TRIM67: variants seen among roughly 807,000 people sequenced by gnomAD.
TRIM67 encodes the protein tripartite motif-containing protein 67.
TRIM67 carries 39 observed loss-of-function variants against 71.0 expected under a neutral mutation model. The ratio of observed to expected loss-of-function variants is 0.55; its 90% CI spans 0.43 to 0.72. TRIM67 has a LOEUF of 0.72. Ranked by LOEUF, TRIM67 falls within the 30% of genes least tolerant of loss-of-function variation. The pLI is 0.00. For missense variants in TRIM67, 973 were observed against 1,079.2 expected, an observed-to-expected ratio of 0.90 and a Z score of 1.38; for synonymous variants, 481 against 473.9, an observed-to-expected ratio of 1.01 and a Z score of -0.19.
chr1:231,177,975 G>C (rs1205515206), intron 1 of TRIM67, among the ~76,000 whole-genome samples: 1 of 152,128 alleles, frequency 6.6e-6, no homozygotes, highest in Non-Finnish European at 1.5e-5. Context: ...TGAACTATTT[G>C]TTGAATCATA....
intron 1 of TRIM67, among the ~76,000 whole-genome samples, chr1:231,191,682 G>A (rs559389268): frequency 2.0e-5 from 3 of 152,276 alleles, no homozygotes; most frequent in South Asian, 2.1e-4. Flanking sequence ...CATAAAAAGC[G>A]GGTCAGTCCT....
At chr1:231,197,133 T>C (rs982609348) in intron 1 of TRIM67, among the ~76,000 whole-genome samples, 3 of 152,212 alleles carry the variant, frequency 2.0e-5, no homozygotes, top group African/African-American at 7.2e-5. Context: ...GAGTGCTCCT[T>C]ACCTCTATCC....
At chr1:231,166,243 C>T (rs998532456) in intron 1 of TRIM67, among the ~76,000 whole-genome samples, 11 of 152,176 alleles carry the variant, frequency 7.2e-5, no homozygotes, top group South Asian at 2.1e-4. Context: ...CTTTTGTGAA[C>T]GCCTGTTTTC....
chr1:231,206,348 G>A (rs964952384), intron 6 of TRIM67, among the ~76,000 whole-genome samples: 2 of 151,988 alleles, frequency 1.3e-5, no homozygotes, highest in African/African-American at 4.8e-5. Flanking sequence ...GGCTGACGCA[G>A]GAGAATCACT....
rs533982063 is a variant in TRIM67 at position 231,208,175 on chromosome 1, ATT to A, written c.1820-757_1820-756del. Reference sequence around the variant, plus strand: ...AGGCGCCCACCACCATGTCCAGCGAATTTTTTTTTTTTTTTTGAGACAGAGTC... The same window carrying A: ...AGGCGCCCACCACCATGTCCAGCGAATTTTTTTTTTTTTTGAGACAGAGTC... On this transcript the variant is annotated intron_variant, in intron 7 of 9. Coordinates refer to ENST00000366653, the MANE Select transcript of TRIM67 (RefSeq NM_001004342.5). Among the ~76,000 whole-genome samples, 60 of 138,326 alleles carry A rather than the reference ATT, an allele frequency of 4.3e-4. 1 individual carries two copies. The highest frequency in any genetic ancestry group is 1.1e-3 in the African/African-American group (42 of 37,654). 90.7% of individuals were successfully genotyped at this position (138,326 alleles called of 152,430 possible).
rs1199480680 is a variant in TRIM67, at chr1:231,218,168, GC to G, written c.*2730del. ...AGAAGGAACTTATCAATTCCTCATGGCCAGGAAGGTCCCGGGTTTCAGAGTA... is the reference window on the plus strand; with the variant it reads ...AGAAGGAACTTATCAATTCCTCATGGCAGGAAGGTCCCGGGTTTCAGAGTA... On this transcript the variant is annotated 3_prime_UTR_variant, in exon 10 of 10. Transcript: ENST00000366653. 2 of 1,029,132 alleles carry G rather than the reference GC, an allele frequency of 1.9e-6. No homozygotes were observed. The highest frequency in any genetic ancestry group is 2.3e-6 in the Non-Finnish European group (2 of 854,944). 63.8% of individuals were successfully genotyped at this position (1,029,132 alleles called of 1,614,324 possible). A position where few individuals can be genotyped will look rare whatever the true frequency, so the allele number is the denominator to read the frequency against.
At chr1:231,182,640 C>G (rs1682938062) in intron 1 of TRIM67, among the ~76,000 whole-genome samples, 1 of 152,140 alleles carries the variant, frequency 6.6e-6, no homozygotes, top group Non-Finnish European at 1.5e-5. Flanking sequence ...CACAGAGGCA[C>G]ACAGCTCCTT....
At position 231,217,078 on chromosome 1, in the gene TRIM67, T is replaced by C; in HGVS notation, c.*1638T>C. The C allele has an allele frequency of 2.0e-6, 2 of 985,954 alleles. No homozygotes were observed. The highest frequency in any genetic ancestry group is 2.4e-6 in the Non-Finnish European group (2 of 829,974). 61.1% of individuals were successfully genotyped at this position (985,954 alleles called of 1,614,324 possible). The stretch of plus-strand genomic sequence containing the variant: ...CTGTTCAGACACCGCGCCTGCTTTC[T>C]GAGTAACTGCCTGCCGGAGCCATGC... On this transcript the variant is annotated 3_prime_UTR_variant, in exon 10 of 10. Transcript: ENST00000366653.
intron 1 of TRIM67, among the ~76,000 whole-genome samples, chr1:231,164,260 C>G (rs1473763545): frequency 6.6e-6 from 1 of 152,196 alleles, no homozygotes; most frequent in Non-Finnish European, 1.5e-5. Flanking sequence ...CCCACCCACC[C>G]GAGGTTTTAG....
chr1:231,207,529 C>T (rs984124899), intron 7 of TRIM67, among the ~76,000 whole-genome samples: 1 of 152,214 alleles, frequency 6.6e-6, no homozygotes, highest in Non-Finnish European at 1.5e-5. Context: ...GCCCAGGCTG[C>T]AGAGGCAGTT....
At chr1:231,211,050 A>T (rs138800389) in intron 8 of TRIM67, among the ~76,000 whole-genome samples, 3,599 of 135,616 alleles carry the variant, frequency 0.027, 60 homozygotes, top group South Asian at 0.047. Flanking sequence ...ATATATATAT[A>T]TTTTGTTTGT....
chr1:231,164,665 T>C (rs1682402303), intron 1 of TRIM67, among the ~76,000 whole-genome samples: 2 of 152,132 alleles, frequency 1.3e-5, no homozygotes, highest in African/African-American at 4.8e-5. Context: ...CACCAATTAT[T>C]CCTTGTAGTC....
Position 231,197,352 on chromosome 1 carries a change from C to T in TRIM67, c.1045-19C>T, listed in dbSNP as rs766782845. ...TTTCACAACTAATTTTTCTTTTCAACATGTGATATCTTTTTCAGGCACAAC... is the reference window on the plus strand; with the variant it reads ...TTTCACAACTAATTTTTCTTTTCAATATGTGATATCTTTTTCAGGCACAAC... On this transcript the variant is annotated intron_variant, in intron 1 of 9. Transcript: ENST00000366653. 1.2e-6 allele frequency: 2 copies of T among 1,607,988 alleles called. No homozygotes were observed. The highest frequency in any genetic ancestry group is 1.7e-4 in the Middle Eastern group (1 of 6,038).
intron 6 of TRIM67, among the ~76,000 whole-genome samples, chr1:231,205,587 A>G (rs769562581): frequency 3.9e-5 from 6 of 152,176 alleles, no homozygotes; most frequent in African/African-American, 1.4e-4. Context: ...TTACCCGGGC[A>G]TGGTGGCGGA....
At chr1:231,210,431 T>C (rs1254780205) in intron 8 of TRIM67, among the ~76,000 whole-genome samples, 1 of 151,612 alleles carries the variant, frequency 6.6e-6, no homozygotes, top group Non-Finnish European at 1.5e-5. Flanking sequence ...TCTGCTTGCC[T>C]CTTTGCTTGT....
chr1:231,164,261 G>A (rs1312854174), intron 1 of TRIM67, among the ~76,000 whole-genome samples: 1 of 152,178 alleles, frequency 6.6e-6, no homozygotes, highest in African/African-American at 2.4e-5. Context: ...CCACCCACCC[G>A]AGGTTTTAGG....
chr1:231,206,760 A>G lies in TRIM67; in HGVS notation c.1789A>G (p.Ser597Gly). The change falls in exon 7 of 10, where the codon AGT (serine) becomes GGT (glycine). Residue 597 changes from serine (S) to glycine (G), a missense_variant. By Grantham distance (56) the Ser-to-Gly change is moderately conservative (BLOSUM62 0). Around this residue, in one of 2 missense-constraint regions of TRIM67, gnomAD observed 795 missense variants for 831.3 expected, o/e 0.96. Transcript: ENST00000366653. ...AFNSSGVGPYSKTVVLQTSDV... is the reference protein window; with the variant it reads ...AFNSSGVGPYGKTVVLQTSDV... ...CAACTCTTCTGGTGTCGGGCCTTAC[A>G]GTAAAACTGTCGTCCTGCAGACATC... 6.2e-7 allele frequency: 1 copy of G among 1,609,838 alleles called. No homozygotes were observed. Among genetic ancestry groups the G allele is most frequent in the Non-Finnish European group, 8.5e-7 (1 of 1,178,226 alleles).
intron 1 of TRIM67, among the ~76,000 whole-genome samples, chr1:231,196,115 C>T (rs1683364886): frequency 6.6e-6 from 1 of 152,022 alleles, no homozygotes; most frequent in Non-Finnish European, 1.5e-5. Context: ...GTGGTGACGA[C>T]TGTTAGGAGG....
chr1:231,211,031 A>ATATAT (rs55840623), intron 8 of TRIM67, among the ~76,000 whole-genome samples: 96 of 127,238 alleles, frequency 7.5e-4, no homozygotes, highest in African/African-American at 2.4e-3. Flanking sequence ...AAAAAAAAAA[A>ATATAT]ATATATATAT....
Sources: allele counts gnomAD v4.1 joint callset (sites outside exome capture counted in the v4.1 genomes callset), GRCh38; gene constraint gnomAD v4.1.1; regional missense constraint gnomAD v4.1.1; transcripts MANE v1.5; gene names NCBI Gene and HGNC (gene_info 2026-07-23, HGNC 2026-07-21).